Variants in TRPM3 observed in about 807,000 individuals in gnomAD.
TRPM3 encodes transient receptor potential cation channel subfamily M member 3, also known as long transient receptor potential channel 3.
Under a neutral mutation model 181.2 loss-of-function variants are expected in TRPM3, and 77 were observed. That is an observed-to-expected ratio of 0.42 (90% CI 0.35 to 0.51). The LOEUF (loss-of-function observed/expected upper bound fraction) is 0.51. TRPM3 is among the 20% of genes least tolerant of loss of function. TRPM3 has a pLI of 0.01. For missense variants in TRPM3, 1,759 were observed against 2,196.7 expected (o/e 0.80, Z 3.98); for synonymous variants, 745 against 796.4 (o/e 0.94, Z 1.09).
At chr9:70,849,231 G>A (rs1251612868) in intron 3 of TRPM3, among the ~76,000 whole-genome samples, 2 of 152,012 alleles carry the variant, frequency 1.3e-5, no homozygotes, top group Non-Finnish European at 2.9e-5. Flanking sequence ...TGCAACCTTT[G>A]CCTCCTGGGT....
intron 8 of TRPM3, among the ~76,000 whole-genome samples, chr9:70,755,393 G>T (rs2076891218): frequency 6.6e-6 from 1 of 150,680 alleles, no homozygotes; most frequent in Non-Finnish European, 1.5e-5. Flanking sequence ...TTTTGGAGAT[G>T]GAGTTTCGCT....
intron 6 of TRPM3, among the ~76,000 whole-genome samples, chr9:70,807,580 TATA>T (rs1177862470): frequency 6.6e-6 from 1 of 152,224 alleles, no homozygotes. Flanking sequence ...CAGTGATGCT[TATA>T]ATAACAAGTT....
chr9:71,344,965 T>A (rs562731638), intron 1 of TRPM3, among the ~76,000 whole-genome samples: 11 of 152,260 alleles, frequency 7.2e-5, no homozygotes, highest in African/African-American at 2.6e-4. Flanking sequence ...GAGAAGACAT[T>A]TATGTGGCCA....
At chr9:70,682,447 A>G (rs370337859) in intron 8 of TRPM3, among the ~76,000 whole-genome samples, 52 of 152,266 alleles carry the variant, frequency 3.4e-4, no homozygotes, top group African/African-American at 1.2e-3. Flanking sequence ...AATAGAGTAG[A>G]GGATAACTTC....
intron 1 of TRPM3, among the ~76,000 whole-genome samples, chr9:71,343,639 A>T (rs1222029355): frequency 6.6e-6 from 1 of 152,130 alleles, no homozygotes; most frequent in East Asian, 1.9e-4. Context: ...AAAAGGGTAA[A>T]TATATATTTA....
intron 11 of TRPM3, among the ~76,000 whole-genome samples, chr9:70,637,200 T>C (rs949198546): frequency 5.3e-5 from 8 of 152,176 alleles, no homozygotes; most frequent in Non-Finnish European, 1.2e-4. Context: ...GCAACTTAAC[T>C]GTGACTCAGT....
chr9:71,250,548 T>C (rs1406158828), intron 1 of TRPM3, among the ~76,000 whole-genome samples: 1 of 152,218 alleles, frequency 6.6e-6, no homozygotes, highest in Non-Finnish European at 1.5e-5. Flanking sequence ...ATTTGAAATC[T>C]ATGTACTGAG....
rs1437486445 is a variant in TRPM3, at chr9:70,536,708, G to A, written c.4405C>T (p.Arg1469Trp). 13 of 1,614,042 alleles carry A rather than the reference G, an allele frequency of 8.1e-6. No individual in the cohort carries two copies. Among genetic ancestry groups the A allele is most frequent in the South Asian group, 1.1e-5 (1 of 91,086 alleles). ...GTGATGTCCTCAAAATCAATGCTCC[G>A]GCTTGGAGGTCTGTCTGTGGGTGCA... ...TLAPTDRPPS[R>W]SIDFEDITSM... is the part of the protein sequence containing the mutation. Residue 1469 changes from arginine (R) to tryptophan (W), a missense_variant, in exon 26 of 26, where the codon CGG becomes TGG. This residue lies in a region of TRPM3 where 612 missense variants were observed against 590.0 expected (regional missense o/e 1.04). Coordinates refer to ENST00000677713, the MANE Select transcript of TRPM3 (RefSeq NM_001366145.2).
intron 1 of TRPM3, among the ~76,000 whole-genome samples, chr9:71,397,652 A>G (rs1034840657): frequency 6.6e-6 from 1 of 152,224 alleles, no homozygotes; most frequent in African/African-American, 2.4e-5. Flanking sequence ...GACCACCTAT[A>G]TCAGAGAAGC....
intron 1 of TRPM3, among the ~76,000 whole-genome samples, chr9:71,284,444 G>T (rs1355978048): frequency 1.3e-5 from 2 of 152,262 alleles, no homozygotes; most frequent in African/African-American, 2.4e-5. Flanking sequence ...TACAACACTT[G>T]ATCTGTCTAA....
At chr9:70,850,397 CAT>C in intron 3 of TRPM3, among the ~76,000 whole-genome samples, 1 of 151,830 alleles carries the variant, frequency 6.6e-6, no homozygotes, top group Non-Finnish European at 1.5e-5. Context: ...TTATAAGAGA[CAT>C]ATTTATAATG....
At chr9:71,025,759 T>C (rs1271629499) in intron 1 of TRPM3, among the ~76,000 whole-genome samples, 1 of 152,126 alleles carries the variant, frequency 6.6e-6, no homozygotes, top group Admixed American at 6.5e-5. Context: ...GCCCTGTTCC[T>C]AAGAGCCTGC....
chr9:71,245,203 C>T (rs1486052713), intron 1 of TRPM3, among the ~76,000 whole-genome samples: 1 of 152,084 alleles, frequency 6.6e-6, no homozygotes, highest in Admixed American at 6.5e-5. Flanking sequence ...AATCCCAGCA[C>T]TTTGGGAGGC....
intron 1 of TRPM3, among the ~76,000 whole-genome samples, chr9:71,414,308 G>T (rs2093605406): frequency 8.2e-6 from 1 of 121,288 alleles, no homozygotes; most frequent in Non-Finnish European, 2.0e-5. Flanking sequence ...CTTATTACAA[G>T]AATCAGTTCA....
intron 6 of TRPM3, among the ~76,000 whole-genome samples, chr9:70,797,147 T>G (rs1253081961): frequency 6.6e-6 from 1 of 151,782 alleles, no homozygotes; most frequent in African/African-American, 2.4e-5. Context: ...AACAAAAAGG[T>G]AGATAGGTTA....
intron 6 of TRPM3, among the ~76,000 whole-genome samples, chr9:70,796,791 A>G (rs2087159686): frequency 6.6e-6 from 1 of 152,090 alleles, no homozygotes; most frequent in East Asian, 1.9e-4. Context: ...CATATCATAC[A>G]ATGCTCTACA....
At chr9:71,032,107 ATAT>A (rs2057557397) in intron 1 of TRPM3, among the ~76,000 whole-genome samples, 1 of 93,970 alleles carries the variant, frequency 1.1e-5, no homozygotes, top group Non-Finnish European at 2.0e-5. Flanking sequence ...AATATTATAT[ATAT>A]TATATTATAT....
At chr9:71,063,741 C>G (rs1179307321) in intron 1 of TRPM3, among the ~76,000 whole-genome samples, 1 of 152,056 alleles carries the variant, frequency 6.6e-6, no homozygotes, top group Non-Finnish European at 1.5e-5. Flanking sequence ...AGACTGAGAA[C>G]ACCTGAGAAT....
At chr9:71,221,914 T>C (rs1437187994) in intron 1 of TRPM3, among the ~76,000 whole-genome samples, 4 of 152,208 alleles carry the variant, frequency 2.6e-5, no homozygotes, top group Admixed American at 1.3e-4. Flanking sequence ...AATGAGTGAA[T>C]GTGTGTGCCC....
Sources: gnomAD v4.1 joint callset for allele counts (sites outside exome capture counted in the v4.1 genomes callset) on GRCh38, gnomAD v4.1.1 for gene constraint, gnomAD v4.1.1 regional missense constraint, MANE v1.5 for transcripts, NCBI Gene and HGNC (gene_info 2026-07-23, HGNC 2026-07-21) for gene names.